GON4L: variants seen among roughly 807,000 people sequenced by gnomAD.
The protein encoded by GON4L is GON-4-like protein.
A neutral mutation model predicts 211.8 loss-of-function variants in GON4L; 87 were observed. The ratio of observed to expected loss-of-function variants is 0.41; its 90% CI spans 0.35 to 0.49. The LOEUF is 0.49. Ranked by LOEUF, GON4L falls within the 20% of genes least tolerant of loss-of-function variation. The pLI, the probability that GON4L is intolerant of heterozygous loss-of-function variation, is 0.15. For synonymous variants in GON4L, 875 were observed against 962.6 expected, an observed-to-expected ratio of 0.91 and a Z score of 1.68; for missense variants, 2,155 against 2,659.5, an observed-to-expected ratio of 0.81 and a Z score of 4.17.
chr1:155,829,532 A>AGAGGTTGCAGTGAGCC (rs1669545608), intron 2 of GON4L, among the ~76,000 whole-genome samples: 1 of 152,162 alleles, frequency 6.6e-6, no homozygotes, highest in African/African-American at 2.4e-5. Flanking sequence ...CCGGGGAGGC[A>AGAGGTTGCAGTGAGCC]GAGGTTGCAG....
intron 14 of GON4L, among the ~76,000 whole-genome samples, chr1:155,782,332 A>C (rs972784926): frequency 6.6e-6 from 1 of 152,252 alleles, no homozygotes; most frequent in Non-Finnish European, 1.5e-5. Flanking sequence ...ACATATTCAG[A>C]GATGGCTCCA....
At chr1:155,824,003 A>G (rs1668953473) in intron 3 of GON4L, among the ~76,000 whole-genome samples, 1 of 152,212 alleles carries the variant, frequency 6.6e-6, no homozygotes, top group Admixed American at 6.6e-5. Flanking sequence ...AAGGATGCCC[A>G]AACTTATAAG....
At chr1:155,767,237 T>C in intron 20 of GON4L, 188 bp downstream of exon 20, 1 of 1,335,722 alleles carries the variant, frequency 7.5e-7, no homozygotes, top group South Asian at 1.5e-5. Context: ...TTTTACCTAT[T>C]ATTTTGAAAA....
chr1:155,811,550 G>A (rs1186681142), intron 10 of GON4L, among the ~76,000 whole-genome samples: 3 of 151,136 alleles, frequency 2.0e-5, no homozygotes, highest in East Asian at 1.9e-4. Context: ...GAGGTCAGGA[G>A]TTCGAGACCA....
chr1:155,808,866 C>T (rs1039631617), intron 10 of GON4L, among the ~76,000 whole-genome samples: 4 of 152,002 alleles, frequency 2.6e-5, no homozygotes, highest in African/African-American at 4.8e-5. Flanking sequence ...CTCTCCTTGG[C>T]CTCCTAAAGT....
At chr1:155,830,032 C>T (rs1669603136) in intron 2 of GON4L, among the ~76,000 whole-genome samples, 1 of 151,804 alleles carries the variant, frequency 6.6e-6, no homozygotes, top group Non-Finnish European at 1.5e-5. Context: ...CTCACTGCAA[C>T]CTCCGTATCC....
At chr1:155,836,131 G>A (rs1670271283) in intron 2 of GON4L, among the ~76,000 whole-genome samples, 1 of 152,118 alleles carries the variant, frequency 6.6e-6, no homozygotes. Context: ...TGTAGTCCCA[G>A]GTACTTGGGA....
At chr1:155,763,154 A>G (rs560528813) in intron 22 of GON4L, among the ~76,000 whole-genome samples, 158 bp downstream of exon 22, 5 of 152,358 alleles carry the variant, frequency 3.3e-5, no homozygotes, top group African/African-American at 4.8e-5. Context: ...AAGATACCAC[A>G]TTAAACATGT....
At chr1:155,755,172 G>A (rs1042401485) in intron 27 of GON4L, among the ~76,000 whole-genome samples, 1 of 150,520 alleles carries the variant, frequency 6.6e-6, no homozygotes, top group African/African-American at 2.4e-5. Context: ...CCGGGATCAA[G>A]CGATTCCCAT....
chr1:155,748,656 C>T, downstream of GON4L: 3 of 1,613,552 alleles, frequency 1.9e-6, no homozygotes, highest in Non-Finnish European at 2.5e-6. Context: ...AGGCCAGTCC[C>T]TTCCTGATTC....
chr1:155,826,645 T>C (rs1053206318), intron 3 of GON4L, among the ~76,000 whole-genome samples, 192 bp downstream of exon 3: 1 of 151,936 alleles, frequency 6.6e-6, no homozygotes, highest in African/African-American at 2.4e-5. Context: ...TAGAGGGTAA[T>C]TGAAAGGGAA....
intron 21 of GON4L, chr1:155,764,659 T>A: frequency 1.7e-6 from 1 of 584,744 alleles, no homozygotes. Context: ...CAGGCCAGTC[T>A]GAAACTCCTG....
At chr1:155,841,172 T>G (rs1357609193) in intron 2 of GON4L, among the ~76,000 whole-genome samples, 1 of 152,256 alleles carries the variant, frequency 6.6e-6, no homozygotes, top group Non-Finnish European at 1.5e-5. Context: ...ACCTGTAAGA[T>G]TCCTTTCCTG....
intron 12 of GON4L, among the ~76,000 whole-genome samples, chr1:155,787,140 G>C (rs2101925307): frequency 6.6e-6 from 1 of 151,868 alleles, no homozygotes; most frequent in East Asian, 1.9e-4. Context: ...TCGATCTCCT[G>C]ACCTCGTGAT....
At chr1:155,782,066 T>C (rs914864161) in intron 14 of GON4L, among the ~76,000 whole-genome samples, 1 of 152,222 alleles carries the variant, frequency 6.6e-6, no homozygotes, top group Non-Finnish European at 1.5e-5. Flanking sequence ...TTGCACCTAG[T>C]TTTAATAAGT....
At chr1:155,794,973 C>A in intron 12 of GON4L, 77 bp downstream of exon 12, 1 of 841,912 alleles carries the variant, frequency 1.2e-6, no homozygotes, top group Non-Finnish European at 2.1e-6. Flanking sequence ...GCAAACTTCA[C>A]CCCTAAAAAT....
intron 11 of GON4L, among the ~76,000 whole-genome samples, chr1:155,799,966 C>T (rs1285492049): frequency 2.0e-5 from 3 of 152,114 alleles, no homozygotes; most frequent in African/African-American, 7.2e-5. Context: ...TTTGGGAGGC[C>T]GAGGAGGGCG....
chr1:155,798,265 C>T (rs954344340), intron 11 of GON4L, among the ~76,000 whole-genome samples: 1 of 16,212 alleles, frequency 6.2e-5, no homozygotes, highest in African/African-American at 6.6e-5. Context: ...ATTCTTTACA[C>T]ATAACTAATT....
chr1:155,826,692 A>G, intron 3 of GON4L, 145 bp downstream of exon 3: 1 of 650,032 alleles, frequency 1.5e-6, no homozygotes, highest in South Asian at 1.8e-5. Context: ...AACATTCTCT[A>G]TCTTGATCTG....
Sources: gnomAD v4.1 joint callset for allele counts (sites outside exome capture counted in the v4.1 genomes callset) on GRCh38, gnomAD v4.1.1 for gene constraint, MANE v1.5 for transcripts, NCBI Gene and HGNC (gene_info 2026-07-23, HGNC 2026-07-21) for gene names.